ZNF621: variants seen among roughly 807,000 people sequenced by gnomAD.
ZNF621 encodes zinc finger protein 621.
A neutral mutation model predicts 12.7 loss-of-function variants in ZNF621; 6 were observed. The observed-to-expected ratio is 0.47, with a 90% CI of 0.26 to 0.93. The LOEUF (loss-of-function observed/expected upper bound fraction) is 0.93, where lower values mean the gene tolerates loss of function less well. Ranked by LOEUF, ZNF621 falls within the 40% of genes least tolerant of loss-of-function variation. The pLI is 0.15. For missense variants in ZNF621, 474 were observed against 524.0 expected (o/e 0.90, Z 0.93); for synonymous variants, 156 against 190.3 (o/e 0.82, Z 1.48).
Position 40,532,380 on chromosome 3 carries a change from G to A in ZNF621, c.610G>A (p.Glu204Lys). ...CIVHEKNHIG[E>K]GPYECKECGK... ...TGTACATGAGAAAAACCACATTGGA[G>A]AAGGGCCCTATGAATGTAAGGAGTG... The change falls in exon 5 of 5, where the codon GAA becomes AAA. Residue 204 changes from glutamate to lysine, a missense_variant. Glu to Lys is a moderately conservative substitution (Grantham distance 56, BLOSUM62 1). Coordinates refer to ENST00000339296, the MANE Select transcript of ZNF621 (RefSeq NM_198484.5). The A allele has an allele frequency of 6.2e-7, 1 of 1,613,290 alleles. No homozygotes were observed. The highest frequency in any genetic ancestry group is 1.7e-5 in the Admixed American group (1 of 60,018).
At position 40,530,292 on chromosome 3, in the gene ZNF621, G is replaced by T; in HGVS notation, c.235G>T (p.Glu79Ter). 2 of 1,613,902 alleles carry T rather than the reference G, an allele frequency of 1.2e-6. No individual in the cohort carries two copies. Among genetic ancestry groups the T allele is most frequent in the Non-Finnish European group, 1.7e-6 (2 of 1,179,928 alleles). ...ATGGGGCCCAGATCCCTGGGACACCGAGATTCTGAGAGGCATCAGTCAAGG... is the reference window on the plus strand; with the variant it reads ...ATGGGGCCCAGATCCCTGGGACACCTAGATTCTGAGAGGCATCAGTCAAGG... ...APWGPDPWDT[E>*]ILRGISQGGE... The change falls in exon 4 of 5, where the codon GAG becomes TAG. Residue 79 changes from glutamate (E) to a stop codon, truncating the protein, a stop_gained. Coordinates refer to ENST00000339296, the MANE Select transcript of ZNF621 (RefSeq NM_198484.5). LOFTEE classifies it low-confidence loss of function (END_TRUNC).
chr3:40,525,550 G>T, intron 1 of ZNF621: 1 of 595,984 alleles, frequency 1.7e-6, no homozygotes, highest in Admixed American at 3.0e-5. Flanking sequence ...CCGTACGAAT[G>T]GGCTCAAAAA....
At position 40,532,479 on chromosome 3, in the gene ZNF621, T is replaced by C. The variant is rs1347555062; in HGVS notation, c.709T>C (p.Cys237Arg). ...CCACACTGGAGAGAAACCCTATGAA[T>C]GTAAAGAGTGTGGAAAGGCTTTCCG... ...RIHTGEKPYECKECGKAFRRS... is the reference protein window; with the variant it reads ...RIHTGEKPYERKECGKAFRRS... Residue 237 changes from cysteine to arginine, a missense_variant, in exon 5 of 5, where the codon TGT (cysteine) becomes CGT (arginine). Coordinates refer to ENST00000339296, the MANE Select transcript of ZNF621 (RefSeq NM_198484.5). 6.2e-7 allele frequency: 1 copy of C among 1,614,114 alleles called. No homozygotes were observed. Among genetic ancestry groups the C allele is most frequent in the Non-Finnish European group, 8.5e-7 (1 of 1,180,026 alleles).
At chr3:40,526,776 A>G (rs1698591875) in intron 2 of ZNF621, among the ~76,000 whole-genome samples, 1 of 152,214 alleles carries the variant, frequency 6.6e-6, no homozygotes, top group African/African-American at 2.4e-5. Flanking sequence ...TTACATATTA[A>G]AAAGATTTTC....
At position 40,533,230 on chromosome 3, in the gene ZNF621, T is replaced by G; in HGVS notation, c.*140T>G. The G allele has an allele frequency of 1.5e-6, 2 of 1,366,336 alleles. No individual in the cohort carries two copies. The highest frequency in any genetic ancestry group is 1.9e-6 in the Non-Finnish European group (2 of 1,035,326). 84.6% of individuals were successfully genotyped at this position (1,366,336 alleles called of 1,614,324 possible). ...ATCTTGGCTCACTGCAACCTCCCCCTCCTGGGTTCAAGCGATTCTCCTCCT... is the reference window on the plus strand; with the variant it reads ...ATCTTGGCTCACTGCAACCTCCCCCGCCTGGGTTCAAGCGATTCTCCTCCT... On this transcript the variant is annotated 3_prime_UTR_variant, in exon 5 of 5. Coordinates refer to ENST00000339296, the MANE Select transcript of ZNF621 (RefSeq NM_198484.5).
Position 40,529,610 on chromosome 3 carries a change from T to G in ZNF621, c.151+165T>G, listed in dbSNP as rs745588639. On this transcript the variant is annotated intron_variant, in intron 3 of 4. Transcript: ENST00000339296. ...TCCTTGGTTCTCTTTGTTTTTTGTT[T>G]GTTTGTTTGTTTTGTTTGTTTGTTT... 5 of 1,499,100 alleles carry G rather than the reference T, an allele frequency of 3.3e-6. No individual in the cohort carries two copies. The South Asian group carries it at 5.9e-5, about 18-fold the overall frequency. 92.9% of individuals were successfully genotyped at this position (1,499,100 alleles called of 1,614,324 possible).
In ZNF621 at chr3:40,533,071, C is replaced by A; in HGVS notation, c.1301C>A (p.Pro434His). 7 of 1,551,568 alleles carry A rather than the reference C, an allele frequency of 4.5e-6. No homozygotes were observed. Among genetic ancestry groups the A allele is most frequent in the Non-Finnish European group, 6.1e-6 (7 of 1,146,900 alleles). Residue 434 changes from proline (P) to histidine (H), a missense_variant, in exon 5 of 5, where the codon CCT becomes CAT. Coordinates refer to ENST00000339296, the MANE Select transcript of ZNF621 (RefSeq NM_198484.5). ...TVKPSPVILTPSSHSS is the reference protein window; with the variant it reads ...TVKPSPVILTHSSHSS ...AAACCTTCCCCAGTTATTCTCACCC[C>A]TTCTTCTCACTCCTCATGAGCTTTA... is the stretch of plus-strand genomic sequence containing the variant.
intron 3 of ZNF621, chr3:40,529,651 C>T (rs1698675909): frequency 1.5e-6 from 2 of 1,337,822 alleles, no homozygotes; most frequent in Non-Finnish European, 2.0e-6. Context: ...GAGACAGAGT[C>T]TCGCTCTGTC....
At chr3:40,530,895 C>T (rs1698711035) in intron 4 of ZNF621, among the ~76,000 whole-genome samples, 1 of 152,198 alleles carries the variant, frequency 6.6e-6, no homozygotes, top group East Asian at 1.9e-4. Context: ...CATGCATACA[C>T]ACAAACACAT....
intron 2 of ZNF621, among the ~76,000 whole-genome samples, chr3:40,528,240 C>A (rs74567728): frequency 5.3e-4 from 80 of 152,324 alleles, no homozygotes; most frequent in African/African-American, 1.8e-3. Flanking sequence ...TAGCCAGAAT[C>A]ACACAGTACG....
At position 40,533,842 on chromosome 3, in the gene ZNF621, G is replaced by A. The variant is rs1165305011; in HGVS notation, c.*752G>A. On this transcript the variant is annotated 3_prime_UTR_variant, in exon 5 of 5. Coordinates refer to ENST00000339296, the MANE Select transcript of ZNF621 (RefSeq NM_198484.5). ...TTTAGTGGGCCCATGGCTAGGTGGG[G>A]TATTAATACAGTTGAAGTTATGTTG... The A allele has an allele frequency of 6.6e-6, 1 of 152,428 alleles. No homozygotes were observed. The highest frequency in any genetic ancestry group is 1.5e-5 in the Non-Finnish European group (1 of 68,030). The allele number at this position is 152,428 out of a possible 1,614,324, so 9.4% of individuals were successfully genotyped here. A position where few individuals can be genotyped will look rare whatever the true frequency, so the allele number is the denominator to read the frequency against.
rs1419768138 is a variant in ZNF621 at position 40,533,862 on chromosome 3, A to T, written c.*772A>T. The T allele has an allele frequency of 3.3e-5, 5 of 152,518 alleles. No homozygotes were observed. The highest frequency in any genetic ancestry group is 1.2e-4 in the African/African-American group (5 of 41,390). The allele number at this position is 152,518 out of a possible 1,614,324, so 9.4% of individuals were successfully genotyped here. A position where few individuals can be genotyped will look rare whatever the true frequency, so the allele number is the denominator to read the frequency against. ...GTGGGGTATTAATACAGTTGAAGTT[A>T]TGTTGCCCTTGGCACAGATCTTTGA... On this transcript the variant is annotated 3_prime_UTR_variant, in exon 5 of 5. Transcript: ENST00000339296.
rs906372789 is a variant in ZNF621 at position 40,538,949 on chromosome 3, A to C, written c.*5859A>C. 3 of 152,596 alleles carry C rather than the reference A, an allele frequency of 2.0e-5. No homozygotes were observed. Among genetic ancestry groups the C allele is most frequent in the African/African-American group, 4.8e-5 (2 of 41,464 alleles). 9.5% of individuals were successfully genotyped at this position (152,596 alleles called of 1,614,324 possible). A position where few individuals can be genotyped will look rare whatever the true frequency, so the allele number is the denominator to read the frequency against. ...GAAATAGCAAGATAACTAGACTTAG[A>C]AGTGGAACCTGCATATGTGACTGAA... On this transcript the variant is annotated 3_prime_UTR_variant, in exon 5 of 5. Transcript: ENST00000339296.
intron 2 of ZNF621, among the ~76,000 whole-genome samples, chr3:40,526,748 G>C (rs928334862): frequency 6.6e-6 from 1 of 152,200 alleles, no homozygotes; most frequent in Non-Finnish European, 1.5e-5. Flanking sequence ...TTTAAGCAGG[G>C]GGATGACATG....
upstream of ZNF621, among the ~76,000 whole-genome samples, chr3:40,523,723 G>A (rs530439149): frequency 6.6e-5 from 10 of 151,084 alleles, no homozygotes; most frequent in South Asian, 2.1e-3. Flanking sequence ...CCGAGATTGC[G>A]CCATTGCACT....
Position 40,529,378 on chromosome 3 carries a change from C to G in ZNF621, c.84C>G (p.Leu28=). The change falls in exon 3 of 5, where the codon CTC becomes CTG. Residue 28 remains leucine, a synonymous_variant. Coordinates refer to ENST00000339296, the MANE Select transcript of ZNF621 (RefSeq NM_198484.5). ...TCACCCAGAATCAATGGGCCAGCCTCGACCCTGCGCAGAGGGCCCTGTACG... is the reference window on the plus strand; with the variant it reads ...TCACCCAGAATCAATGGGCCAGCCTGGACCCTGCGCAGAGGGCCCTGTACG... ...VYFTQNQWAS[L]DPAQRALYGE... 3.7e-6 allele frequency: 6 copies of G among 1,613,946 alleles called. No homozygotes were observed. Among genetic ancestry groups the G allele is most frequent in the Non-Finnish European group, 5.1e-6 (6 of 1,179,898 alleles).
At chr3:40,530,450 C>T (rs936514776) in intron 4 of ZNF621, 134 bp downstream of exon 4, 3 of 693,982 alleles carry the variant, frequency 4.3e-6, no homozygotes, top group African/African-American at 3.6e-5. Context: ...TCTCTGACCT[C>T]ACACTGAGTT....
At position 40,532,522 on chromosome 3, in the gene ZNF621, T is replaced by TG; in HGVS notation, c.753dup (p.Gln252AlafsTer13). The TG allele has an allele frequency of 6.2e-7, 1 of 1,614,156 alleles. No individual in the cohort carries two copies. Among genetic ancestry groups the TG allele is most frequent in the Non-Finnish European group, 8.5e-7 (1 of 1,180,036 alleles). On this transcript the variant is annotated frameshift_variant, in exon 5 of 5. Transcript: ENST00000339296. LOFTEE classifies it low-confidence loss of function (END_TRUNC). ...GCTTTCCGTAGGAGTGCGGCATACC[T>TG]GCAGCATCAGAGATTACACACGGGA...
chr3:40,532,962 T>A lies in ZNF621; in HGVS notation c.1192T>A (p.Phe398Ile). The change falls in exon 5 of 5, where the codon TTT becomes ATT. Residue 398 changes from phenylalanine to isoleucine, a missense_variant. Physicochemically the swap from Phe to Ile is conservative, Grantham distance 21 (BLOSUM62 0). Transcript: ENST00000339296. ...TGTGCTCATTCCTACCTCTGGGAAT[T>A]TTTTCATGCTGCTGCCTACATCTGG... is the stretch of plus-strand genomic sequence containing the variant. ...HAVLIPTSGN[F>I]FMLLPTSGIP... The A allele has an allele frequency of 1.9e-6, 3 of 1,552,910 alleles. No homozygotes were observed. Among genetic ancestry groups the A allele is most frequent in the Non-Finnish European group, 2.6e-6 (3 of 1,147,636 alleles).
Sources: allele counts gnomAD v4.1 joint callset (sites outside exome capture counted in the v4.1 genomes callset), GRCh38; gene constraint gnomAD v4.1.1; transcripts MANE v1.5; gene names NCBI Gene and HGNC (gene_info 2026-07-23, HGNC 2026-07-21).